Variants in USP6NL observed in about 807,000 individuals in gnomAD.
USP6NL encodes the protein USP6 N-terminal like.
In USP6NL, 26 loss-of-function variants were observed where a neutral mutation model predicts 61.9. The observed-to-expected ratio is 0.42, with a 90% CI of 0.31 to 0.58. The LOEUF is 0.58. Ranked by LOEUF, USP6NL falls within the 20% of genes least tolerant of loss-of-function variation. The pLI is 0.16. For synonymous variants in USP6NL, 432 were observed against 390.1 expected (o/e 1.11, Z -1.27); for missense variants, 1,114 against 1,034.3 (o/e 1.08, Z -1.06).
intron 2 of USP6NL, among the ~76,000 whole-genome samples, chr10:11,554,855 A>C (rs917465273): frequency 6.8e-6 from 1 of 146,862 alleles, no homozygotes; most frequent in Admixed American, 6.8e-5. Flanking sequence ...GCTGGAGTGC[A>C]GTGGTGCGAT....
intron 5 of USP6NL, among the ~76,000 whole-genome samples, chr10:11,515,099 T>C (rs896836780): frequency 6.6e-6 from 1 of 152,170 alleles, no homozygotes; most frequent in African/African-American, 2.4e-5. Context: ...GGAACCAATA[T>C]CTTCTTTGTT....
Position 11,510,140 on chromosome 10 carries a change from T to C in USP6NL, c.196-465A>G, listed in dbSNP as rs1005594451. Among the ~76,000 whole-genome samples, 3 of 152,166 alleles carry C rather than the reference T, an allele frequency of 2.0e-5. No homozygotes were observed. The highest frequency in any genetic ancestry group is 2.0e-4 in the Admixed American group (3 of 15,276). On this transcript the variant is annotated intron_variant, in intron 5 of 14. Coordinates refer to ENST00000609104, the MANE Select transcript of USP6NL (RefSeq NM_014688.5). The surrounding 1 kb of genome is among the most constrained non-coding windows in gnomAD (Gnocchi z 4.8). The stretch of plus-strand genomic sequence containing the variant: ...AAAGATTAATGTGTAAGTAGCCTTA[T>C]GCTAGAGGGAAACTATTAAAAAAAA...
intron 1 of USP6NL, among the ~76,000 whole-genome samples, chr10:11,604,043 T>C (rs1838635969): frequency 6.6e-6 from 1 of 152,200 alleles, no homozygotes; most frequent in African/African-American, 2.4e-5. Flanking sequence ...TCAGACCAAG[T>C]CACTTCACTT....
chr10:11,467,535 T>C (rs1243082026), intron 14 of USP6NL, among the ~76,000 whole-genome samples: 1 of 152,214 alleles, frequency 6.6e-6, no homozygotes, highest in Non-Finnish European at 1.5e-5. Context: ...GCATAGAGGA[T>C]TTGTGAAATT....
At chr10:11,542,809 A>AC (rs775360740) in intron 2 of USP6NL, among the ~76,000 whole-genome samples, 1 of 151,830 alleles carries the variant, frequency 6.6e-6, no homozygotes, top group Non-Finnish European at 1.5e-5. Flanking sequence ...AAAGTCAGAG[A>AC]CCCCCAGCAA....
chr10:11,476,362 G>A lies in USP6NL; in HGVS notation c.1078+5408C>T, dbSNP rs1221430783. ...AGTATTTGAGGTGAAGTATCCTGAT[G>A]TCCTTATTTTCACTTTAAAATTGTT... On this transcript the variant is annotated intron_variant, in intron 14 of 14. Transcript: ENST00000609104. The surrounding 1 kb of genome is among the most constrained non-coding windows in gnomAD (Gnocchi z 4.3). 6.6e-6 allele frequency among the ~76,000 whole-genome samples: 1 copy of A among 152,140 alleles called. No homozygotes were observed. The highest frequency in any genetic ancestry group is 1.5e-5 in the Non-Finnish European group (1 of 68,030).
At position 11,474,493 on chromosome 10, in the gene USP6NL, ATTTATG is replaced by A. The variant is rs371025059; in HGVS notation, c.1078+7271_1078+7276del. 2.1e-4 allele frequency among the ~76,000 whole-genome samples: 32 copies of A among 152,332 alleles called. No homozygotes were observed. The highest frequency in any genetic ancestry group is 1.4e-3 in the Admixed American group (21 of 15,306). On this transcript the variant is annotated intron_variant, in intron 14 of 14. Coordinates refer to ENST00000609104, the MANE Select transcript of USP6NL (RefSeq NM_014688.5). The surrounding 1 kb of genome is among the most constrained non-coding windows in gnomAD (Gnocchi z 4.9). Reference sequence around the variant, plus strand: ...AAGGCAATTAAAAACGTTTGTAGGAATTTATGTTTATAAGTGGAACCAAACATTAAA... The same window carrying A: ...AAGGCAATTAAAAACGTTTGTAGGAATTTATAAGTGGAACCAAACATTAAA...
chr10:11,562,757 T>C lies in USP6NL; in HGVS notation c.4+34874A>G, dbSNP rs1836991140. ...TCTAAAAACGTGGAATTCCACACAG[T>C]ACAATCATAAGTGAATTGCCTAATT... On this transcript the variant is annotated intron_variant, in intron 2 of 14. Transcript: ENST00000609104. This position sits in a 1 kb window ranked among gnomAD's most constrained non-coding sequence, Gnocchi z 4.8. 1.0e-6 allele frequency: 1 copy of C among 985,208 alleles called. No homozygotes were observed. The highest frequency in any genetic ancestry group is 1.2e-6 in the Non-Finnish European group (1 of 829,826). 61.0% of individuals were successfully genotyped at this position (985,208 alleles called of 1,614,324 possible). A position where few individuals can be genotyped will look rare whatever the true frequency, so the allele number is the denominator to read the frequency against.
intron 2 of USP6NL, among the ~76,000 whole-genome samples, chr10:11,576,184 T>C (rs992244715): frequency 5.3e-5 from 8 of 151,962 alleles, no homozygotes; most frequent in African/African-American, 1.7e-4. Context: ...AATATGAGAA[T>C]TGTCTATGCT....
intron 14 of USP6NL, among the ~76,000 whole-genome samples, chr10:11,467,977 T>C (rs142178835): frequency 3.3e-5 from 5 of 152,354 alleles, no homozygotes; most frequent in African/African-American, 1.2e-4. Flanking sequence ...TTTTAAGACT[T>C]TGCCAGACAC....
rs138377618 is a variant in USP6NL at position 11,486,016 on chromosome 10, A to T, written c.665-105T>A. 844 of 827,088 alleles carry T rather than the reference A, an allele frequency of 1.0e-3. 2 individuals carry two copies. The African/African-American group carries it at 0.013, about 13-fold the overall frequency. 51.2% of individuals were successfully genotyped at this position (827,088 alleles called of 1,614,324 possible). A position where few individuals can be genotyped will look rare whatever the true frequency, so the allele number is the denominator to read the frequency against. ...TTGTAACTGTCAAAAATAAAAAGAA[A>T]CATTCAGTAGTTACCAAAATATTTT... On this transcript the variant is annotated intron_variant, in intron 10 of 14. Transcript: ENST00000609104.
intron 2 of USP6NL, chr10:11,564,880 T>C (rs969861537): frequency 2.6e-5 from 4 of 152,236 alleles, no homozygotes; most frequent in African/African-American, 7.2e-5. Flanking sequence ...ATTAACATGA[T>C]ACAAAGTAAC....
Position 11,476,286 on chromosome 10 carries a change from T to C in USP6NL, c.1078+5484A>G. Among the ~76,000 whole-genome samples the C allele has an allele frequency of 6.6e-6, 1 of 152,170 alleles. No individual in the cohort carries two copies. The highest frequency in any genetic ancestry group is 1.9e-4 in the East Asian group (1 of 5,198). On this transcript the variant is annotated intron_variant, in intron 14 of 14. Transcript: ENST00000609104. This position sits in a 1 kb window ranked among gnomAD's most constrained non-coding sequence, Gnocchi z 4.3. ...ACTGTTACACTTGTTAGTGTAGCAA[T>C]GGCATTGTGGTTGGCTGGGGGAAGG...
chr10:11,527,582 T>C lies in USP6NL; in HGVS notation c.5-15A>G. 1 of 1,601,482 alleles carries C rather than the reference T, an allele frequency of 6.2e-7. No homozygotes were observed. The highest frequency in any genetic ancestry group is 8.5e-7 in the Non-Finnish European group (1 of 1,173,158). The stretch of plus-strand genomic sequence containing the variant: ...CTGGTCTGAATCTGTGGAGAAGACA[T>C]CAAATTTAGATGAATTGTCATTGAA... On this transcript the variant is annotated splice_polypyrimidine_tract_variant and intron_variant, in intron 2 of 14. Coordinates refer to ENST00000609104, the MANE Select transcript of USP6NL (RefSeq NM_014688.5).
chr10:11,579,968 G>C lies in USP6NL; in HGVS notation c.4+17663C>G, dbSNP rs1053388132. On this transcript the variant is annotated intron_variant, in intron 2 of 14. Coordinates refer to ENST00000609104, the MANE Select transcript of USP6NL (RefSeq NM_014688.5). ...AAACCACCAGTGGAGAGTGGCGGGGGGGGGGCAGCAACGTCTAAAGACACT... is the reference window on the plus strand; with the variant it reads ...AAACCACCAGTGGAGAGTGGCGGGGCGGGGGCAGCAACGTCTAAAGACACT... Among the ~76,000 whole-genome samples, 30 of 147,354 alleles carry C rather than the reference G, an allele frequency of 2.0e-4. 2 individuals carry two copies. The highest frequency in any genetic ancestry group is 5.9e-4 in the African/African-American group (24 of 40,790).
chr10:11,547,792 G>T (rs1264128899), intron 2 of USP6NL, among the ~76,000 whole-genome samples: 1 of 152,004 alleles, frequency 6.6e-6, no homozygotes, highest in Non-Finnish European at 1.5e-5. Context: ...CGCCCGCCTT[G>T]GCCTCCCCAA....
chr10:11,493,309 TA>T (rs1487403936), intron 7 of USP6NL, 81 bp from the exon 8 acceptor site: 2 of 1,263,150 alleles, frequency 1.6e-6, no homozygotes, highest in African/African-American at 1.5e-5. Flanking sequence ...TAATTCTCAT[TA>T]AAAAGTTTTT....
At chr10:11,578,722 A>G (rs990225895) in intron 2 of USP6NL, among the ~76,000 whole-genome samples, 2 of 152,248 alleles carry the variant, frequency 1.3e-5, no homozygotes, top group Admixed American at 6.5e-5. Context: ...CAGTGATTTG[A>G]GAATGTTATT....
Position 11,461,732 on chromosome 10 carries a change from AT to A in USP6NL, c.*708del, listed in dbSNP as rs1237636026. The A allele has an allele frequency of 6.6e-6, 1 of 152,278 alleles. No individual in the cohort carries two copies. The highest frequency in any genetic ancestry group is 2.4e-5 in the African/African-American group (1 of 41,472). 9.4% of individuals were successfully genotyped at this position (152,278 alleles called of 1,614,324 possible). ...TTAAGTGCCCCGATTTTTAAGCACC[AT>A]TAAGTGGTTAGCCTTTCTCTCCAAT... is the stretch of plus-strand genomic sequence containing the variant. On this transcript the variant is annotated 3_prime_UTR_variant, in exon 15 of 15. Coordinates refer to ENST00000609104, the MANE Select transcript of USP6NL (RefSeq NM_014688.5).
Sources: allele counts gnomAD v4.1 joint callset (sites outside exome capture counted in the v4.1 genomes callset), GRCh38; gene constraint gnomAD v4.1.1; non-coding constraint Gnocchi (gnomAD v3.1); transcripts MANE v1.5; gene names NCBI Gene and HGNC (gene_info 2026-07-23, HGNC 2026-07-21).